The following PRDM16 variants were observed in gnomAD, a reference collection of about 807,000 sequenced individuals.
PRDM16 encodes the protein histone-lysine N-methyltransferase PRDM16.
In PRDM16, 23 loss-of-function variants were observed where a neutral mutation model predicts 110.6. The observed-to-expected ratio is 0.21, with a 90% CI of 0.15 to 0.29. The LOEUF is 0.29. PRDM16 is among the 10% of genes least tolerant of loss of function. The probability of loss-of-function intolerance (pLI) is 1.00; values close to 1 mark genes in which losing one functional copy is unlikely to be tolerated. For missense variants in PRDM16, 1,615 were observed against 1,794.3 expected (o/e 0.90, Z 1.81); for synonymous variants, 799 against 781.8 (o/e 1.02, Z -0.37).
intron 3 of PRDM16, among the ~76,000 whole-genome samples, chr1:3,261,432 G>C (rs1326327914): frequency 6.6e-6 from 1 of 152,132 alleles, no homozygotes; most frequent in Non-Finnish European, 1.5e-5. Flanking sequence ...CTGCCAGACG[G>C]GGCTTCTGAT....
At chr1:3,332,757 T>C (rs1557615270) in intron 3 of PRDM16, among the ~76,000 whole-genome samples, 1 of 144,888 alleles carries the variant, frequency 6.9e-6, no homozygotes, top group Non-Finnish European at 1.5e-5. Flanking sequence ...AGGCCCTGAC[T>C]GCACCCCAGC....
chr1:3,083,595 C>CCGG (rs1553121751), intron 1 of PRDM16, among the ~76,000 whole-genome samples: 83,428 of 148,220 alleles, frequency 0.56, 23,763 homozygotes, highest in East Asian at 0.66. Context: ...CGCCTGCTGT[C>CCGG]AGGGGAGGCG....
rs529069569 is a variant in PRDM16 at position 3,436,311 on chromosome 1, G to T, written c.*2500G>T. ...AGAACCGATGAGAGCCGCCCTTACC[G>T]TTGGTCTCCGGATCCCCCAGTCCCA... On this transcript the variant is annotated 3_prime_UTR_variant, in exon 17 of 17. Coordinates refer to ENST00000270722, the MANE Select transcript of PRDM16 (RefSeq NM_022114.4). 5 of 230,692 alleles carry T rather than the reference G, an allele frequency of 2.2e-5. No individual in the cohort carries two copies. The highest frequency in any genetic ancestry group is 4.4e-5 in the African/African-American group (2 of 45,104). 14.3% of individuals were successfully genotyped at this position (230,692 alleles called of 1,614,324 possible). A position where few individuals can be genotyped will look rare whatever the true frequency, so the allele number is the denominator to read the frequency against.
At chr1:3,340,212 C>T (rs1412729389) in intron 3 of PRDM16, among the ~76,000 whole-genome samples, 1 of 152,084 alleles carries the variant, frequency 6.6e-6, no homozygotes, top group Non-Finnish European at 1.5e-5. Flanking sequence ...CGAGTCCTTA[C>T]CTGGGCCCTT....
At chr1:3,248,416 C>T (rs972989793) in intron 3 of PRDM16, among the ~76,000 whole-genome samples, 1 of 152,122 alleles carries the variant, frequency 6.6e-6, no homozygotes, top group Admixed American at 6.5e-5. Flanking sequence ...TTTTTATTTT[C>T]TCTTCCCCTC....
At chr1:3,133,498 G>C (rs1413000829) in intron 1 of PRDM16, 1 of 152,278 alleles carries the variant, frequency 6.6e-6, no homozygotes. Context: ...GAGGAGGGCA[G>C]GGTCTGTCCA....
chr1:3,203,060 C>T lies in PRDM16; in HGVS notation c.387+16586C>T, dbSNP rs553231566. On this transcript the variant is annotated intron_variant, in intron 2 of 16. Transcript: ENST00000270722. ...CTCCCGAACTGGCATTCTTCATCCC[C>T]GATGAATTTGCTGTCATGTGGGGTC... 4.6e-5 allele frequency among the ~76,000 whole-genome samples: 7 copies of T among 152,308 alleles called. No individual in the cohort carries two copies. The East Asian group carries it at 7.7e-4, about 17-fold the overall frequency.
At chr1:3,426,668 ATGC>A (rs1427695408) in intron 14 of PRDM16, among the ~76,000 whole-genome samples, 2 of 152,216 alleles carry the variant, frequency 1.3e-5, no homozygotes, top group Non-Finnish European at 2.9e-5. Flanking sequence ...ACACATAGGT[ATGC>A]CCCGTGTACA....
intron 1 of PRDM16, among the ~76,000 whole-genome samples, chr1:3,101,557 C>T (rs1288063571): frequency 6.6e-6 from 1 of 152,202 alleles, no homozygotes; most frequent in Non-Finnish European, 1.5e-5. Flanking sequence ...AATCCTGGCA[C>T]AGGAGGGCAG....
chr1:3,365,233 G>A (rs371962439), intron 3 of PRDM16, among the ~76,000 whole-genome samples: 2 of 152,172 alleles, frequency 1.3e-5, no homozygotes, highest in Admixed American at 1.3e-4. Context: ...GCCCTGTGCC[G>A]CCGTCCTCCT....
At chr1:3,162,853 G>A (rs892579989) in intron 1 of PRDM16, among the ~76,000 whole-genome samples, 1 of 152,160 alleles carries the variant, frequency 6.6e-6, no homozygotes, top group East Asian at 1.9e-4. Flanking sequence ...TGGTGTCAGG[G>A]CCCCCGGCTC....
chr1:3,282,092 T>C (rs1024858897), intron 3 of PRDM16, among the ~76,000 whole-genome samples: 3 of 152,308 alleles, frequency 2.0e-5, no homozygotes. Context: ...GGACGCCAGC[T>C]CTCTCCTTAC....
intron 1 of PRDM16, among the ~76,000 whole-genome samples, chr1:3,144,459 A>G (rs913665404): frequency 6.7e-6 from 1 of 149,180 alleles, no homozygotes; most frequent in Non-Finnish European, 1.5e-5. Context: ...GCCAGGTCCC[A>G]GGCAGGGCGT....
intron 3 of PRDM16, among the ~76,000 whole-genome samples, chr1:3,321,217 G>A (rs1641734042): frequency 6.6e-6 from 1 of 150,516 alleles, no homozygotes; most frequent in Non-Finnish European, 1.5e-5. Flanking sequence ...TGGGCTGATG[G>A]GGGAGCATGT....
At chr1:3,413,673 A>G (rs1322731806) in intron 9 of PRDM16, among the ~76,000 whole-genome samples, 8 of 152,142 alleles carry the variant, frequency 5.3e-5, no homozygotes, top group Non-Finnish European at 1.0e-4. Flanking sequence ...GTGTCTTGCA[A>G]CGGGGTGGCA....
intron 1 of PRDM16, among the ~76,000 whole-genome samples, chr1:3,114,159 A>G (rs542895022): frequency 3.6e-5 from 4 of 112,560 alleles, no homozygotes; most frequent in East Asian, 2.9e-4. Context: ...ACACGCACAC[A>G]CACACGCACA....
Position 3,143,202 on chromosome 1 carries a change from G to A in PRDM16, c.38-42923G>A, listed in dbSNP as rs528005957. On this transcript the variant is annotated intron_variant, in intron 1 of 16. Transcript: ENST00000270722. This position sits in a 1 kb window ranked among gnomAD's most constrained non-coding sequence, Gnocchi z 4.5. ...GCTGGTTTGCAGCCCCTCGGGGGCC[G>A]AGTGTTCCGGGCTCTGATTTTTGCT... 5.3e-5 allele frequency among the ~76,000 whole-genome samples: 8 copies of A among 152,280 alleles called. No individual in the cohort carries two copies. The highest frequency in any genetic ancestry group is 6.5e-5 in the Admixed American group (1 of 15,302).
intron 3 of PRDM16, among the ~76,000 whole-genome samples, chr1:3,329,599 A>G (rs1301423807): frequency 1.3e-5 from 2 of 152,228 alleles, no homozygotes; most frequent in South Asian, 2.1e-4. Context: ...GGAAGGGGCT[A>G]TGGGCTCACA....
chr1:3,336,393 C>T (rs975545180), intron 3 of PRDM16, among the ~76,000 whole-genome samples: 20 of 151,848 alleles, frequency 1.3e-4, no homozygotes, highest in African/African-American at 4.4e-4. Flanking sequence ...TAAGCAAATG[C>T]ATGCACATGT....
Sources: allele counts gnomAD v4.1 joint callset (sites outside exome capture counted in the v4.1 genomes callset), GRCh38; gene constraint gnomAD v4.1.1; non-coding constraint Gnocchi (gnomAD v3.1); transcripts MANE v1.5; gene names NCBI Gene and HGNC (gene_info 2026-07-23, HGNC 2026-07-21).